SEC23IP: variants seen among roughly 807,000 people sequenced by gnomAD.
The protein encoded by SEC23IP is SEC23-interacting protein.
In SEC23IP, 70 loss-of-function variants were observed where a neutral mutation model predicts 113.4. The observed-to-expected ratio is 0.62, with a 90% CI of 0.51 to 0.75. SEC23IP has a LOEUF of 0.75. Ranked by LOEUF, SEC23IP falls within the 30% of genes least tolerant of loss-of-function variation. SEC23IP has a pLI of 0.00. For synonymous variants in SEC23IP, 398 were observed against 421.0 expected (o/e 0.95, Z 0.67); for missense variants, 1,160 against 1,204.9 (o/e 0.96, Z 0.55).
chr10:119,929,054 G>A (rs1038127745), intron 13 of SEC23IP, among the ~76,000 whole-genome samples: 10 of 152,194 alleles, frequency 6.6e-5, no homozygotes, highest in Non-Finnish European at 1.3e-4. Flanking sequence ...GTCACACAGT[G>A]AATGAAACCA....
At position 119,942,919 on chromosome 10, in the gene SEC23IP, T is replaced by C. The variant is rs901892610; in HGVS notation, c.*2354T>C. ...TAAGTATGTTATTGGAAAGGTGTGA[T>C]CTATATAGAACCCTGTACATGAAAA... is the stretch of plus-strand genomic sequence containing the variant. On this transcript the variant is annotated 3_prime_UTR_variant, in exon 19 of 19. Transcript: ENST00000369075. 6.6e-6 allele frequency: 1 copy of C among 152,188 alleles called. No homozygotes were observed. The highest frequency in any genetic ancestry group is 6.5e-5 in the Admixed American group (1 of 15,286). The allele number at this position is 152,188 out of a possible 1,614,324, so 9.4% of individuals were successfully genotyped here.
intron 14 of SEC23IP, among the ~76,000 whole-genome samples, 180 bp from the exon 15 acceptor site, chr10:119,930,149 A>G (rs2134523512): frequency 6.6e-6 from 1 of 152,334 alleles, no homozygotes; most frequent in East Asian, 1.9e-4. Context: ...TTTGCTTGCA[A>G]AGTAATCTTA....
Position 119,933,100 on chromosome 10 carries a change from C to G in SEC23IP, c.2854C>G (p.Leu952Val). 3 of 1,613,940 alleles carry G rather than the reference C, an allele frequency of 1.9e-6. No homozygotes were observed. Among genetic ancestry groups the G allele is most frequent in the Non-Finnish European group, 2.5e-6 (3 of 1,179,804 alleles). The change falls in exon 17 of 19, where the codon CTC becomes GTC. Residue 952 changes from leucine (L) to valine (V), a missense_variant. By Grantham distance (32) the Leu-to-Val change is conservative (BLOSUM62 1). Transcript: ENST00000369075. ...TGGAGGCCGCCGAATTGACTACGTT[C>G]TCCAAGAAAAACCAATAGAGAGTTT... ...LNGGRRIDYV[L>V]QEKPIESFNE...
At chr10:119,901,046 G>GC (rs901461294) in intron 2 of SEC23IP, among the ~76,000 whole-genome samples, 10 of 118,912 alleles carry the variant, frequency 8.4e-5, no homozygotes, top group African/African-American at 1.7e-4. Flanking sequence ...TTAAAGAGTG[G>GC]GGGGGGGGTC....
chr10:119,935,681 C>G (rs747261714), intron 18 of SEC23IP, among the ~76,000 whole-genome samples: 3 of 152,140 alleles, frequency 2.0e-5, no homozygotes, highest in Non-Finnish European at 2.9e-5. Context: ...CCTCAAGGAC[C>G]TTTTTTCCTC....
intron 12 of SEC23IP, among the ~76,000 whole-genome samples, chr10:119,925,411 T>G (rs1855387521): frequency 6.6e-6 from 1 of 152,246 alleles, no homozygotes; most frequent in Admixed American, 6.5e-5. Context: ...TTCTGCTTAG[T>G]TGTAACTGTC....
At chr10:119,936,612 T>A (rs1357794016) in intron 18 of SEC23IP, among the ~76,000 whole-genome samples, 1 of 151,022 alleles carries the variant, frequency 6.6e-6, no homozygotes, top group Non-Finnish European at 1.5e-5. Flanking sequence ...GAAAAGTTGC[T>A]CAATTTTCAT....
Position 119,917,851 on chromosome 10 carries a change from C to T in SEC23IP, c.1560C>T (p.Ile520=). The change falls in exon 9 of 19, where the codon ATC becomes ATT. Residue 520 remains isoleucine, a synonymous_variant. Transcript: ENST00000369075. ...TTTTAAACAGGAATATTAAGAAAAT[C>T]ACTTTGCCAAGTATTGGTCGATTTC... ...ATGVDRNIKK[I]TLPSIGRFRH... 6.2e-7 allele frequency: 1 copy of T among 1,613,298 alleles called. No homozygotes were observed. Among genetic ancestry groups the T allele is most frequent in the Non-Finnish European group, 8.5e-7 (1 of 1,179,504 alleles).
chr10:119,930,621 G>A (rs951394238), intron 15 of SEC23IP, among the ~76,000 whole-genome samples, 190 bp downstream of exon 15: 2 of 152,156 alleles, frequency 1.3e-5, no homozygotes, highest in African/African-American at 4.8e-5. Context: ...CTCTTTGATG[G>A]CATTCTAATT....
chr10:119,910,977 G>A (rs1296078116), intron 5 of SEC23IP, among the ~76,000 whole-genome samples: 1 of 150,364 alleles, frequency 6.7e-6, no homozygotes. Flanking sequence ...GAGCCAACAC[G>A]CTTGGCTAAC....
rs755363847 is a variant in SEC23IP at position 119,915,790 on chromosome 10, A to G, written c.1445A>G (p.His482Arg). ...GTTTCTCTCAAATTGCTGCGGACAC[A>G]TTTCAAGAAATCTTTAGATGACGGG... ...RVVSLKLLRT[H>R]FKKSLDDGKV... is the part of the protein sequence containing the mutation. Residue 482 changes from histidine to arginine, a missense_variant, in exon 8 of 19, where the codon CAT (histidine) becomes CGT (arginine). Transcript: ENST00000369075. 2 of 1,602,324 alleles carry G rather than the reference A, an allele frequency of 1.2e-6. No homozygotes were observed. Among genetic ancestry groups the G allele is most frequent in the Non-Finnish European group, 1.7e-6 (2 of 1,173,962 alleles).
chr10:119,914,839 T>C lies in SEC23IP; in HGVS notation c.1402+20T>C, dbSNP rs756749333. 6.2e-7 allele frequency: 1 copy of C among 1,600,120 alleles called. No homozygotes were observed. Among genetic ancestry groups the C allele is most frequent in the Admixed American group, 1.7e-5 (1 of 59,908 alleles). ...AGTGTGGTAAGTGTTGGGTATATTG[T>C]ATTTCATGGGATGATCTGAGAACTA... On this transcript the variant is annotated intron_variant, in intron 7 of 18. Transcript: ENST00000369075.
intron 12 of SEC23IP, among the ~76,000 whole-genome samples, chr10:119,924,746 TTTTG>T (rs1024412680): frequency 6.6e-6 from 1 of 151,924 alleles, no homozygotes; most frequent in African/African-American, 2.4e-5. Flanking sequence ...GCCCCAAAAC[TTTTG>T]TTTATTTATG....
intron 11 of SEC23IP, among the ~76,000 whole-genome samples, chr10:119,919,810 T>G (rs148322267): frequency 2.6e-4 from 40 of 152,258 alleles, no homozygotes; most frequent in African/African-American, 9.4e-4. Flanking sequence ...AGAAAAAAAT[T>G]GTATAACAGT....
rs1258483628 is a variant in SEC23IP, at chr10:119,929,758, A to G, written c.2465A>G (p.His822Arg). The G allele has an allele frequency of 6.4e-7, 1 of 1,573,504 alleles. No individual in the cohort carries two copies. Among genetic ancestry groups the G allele is most frequent in the Non-Finnish European group, 8.7e-7 (1 of 1,154,804 alleles). The change falls in exon 14 of 19, where the codon CAT (histidine) becomes CGT (arginine). Residue 822 changes from histidine (H) to arginine (R), a missense_variant. Physicochemically the swap from His to Arg is conservative, Grantham distance 29. Coordinates refer to ENST00000369075, the MANE Select transcript of SEC23IP (RefSeq NM_007190.4). ...PTCKGFFNIY[H>R]PLDPVAYRLE... is the part of the protein sequence containing the mutation. Reference sequence around the variant, plus strand: ...TGTAAAGGGTTCTTCAATATTTATCATCCGGTGAGTAATTGAATTTACTTT... The same window carrying G: ...TGTAAAGGGTTCTTCAATATTTATCGTCCGGTGAGTAATTGAATTTACTTT...
At chr10:119,934,217 T>C (rs749825664) in intron 18 of SEC23IP, among the ~76,000 whole-genome samples, 5 of 152,346 alleles carry the variant, frequency 3.3e-5, no homozygotes, top group Non-Finnish European at 4.4e-5. Flanking sequence ...TGCTGCCTCA[T>C]AGTTATAAGG....
Position 119,898,490 on chromosome 10 carries a change from C to T in SEC23IP, c.227C>T (p.Ala76Val), listed in dbSNP as rs372484711. The T allele has an allele frequency of 2.5e-6, 4 of 1,613,954 alleles. No homozygotes were observed. Among genetic ancestry groups the T allele is most frequent in the African/African-American group, 2.7e-5 (2 of 74,920 alleles). ...FLGQTSIHTS[A>V]PQTFSYFSQV... is the part of the protein sequence containing the mutation. The stretch of plus-strand genomic sequence containing the variant: ...GGTCAGACTTCTATTCACACATCTG[C>T]CCCACAGACATTTAGTTACTTCTCT... Residue 76 changes from alanine to valine, a missense_variant, in exon 2 of 19, where the codon GCC becomes GTC. Ala to Val is a moderately conservative substitution (Grantham distance 64). Transcript: ENST00000369075.
At chr10:119,903,090 T>A in intron 3 of SEC23IP, 81 bp downstream of exon 3, 1 of 1,179,910 alleles carries the variant, frequency 8.5e-7, no homozygotes, top group Non-Finnish European at 1.2e-6. Context: ...CTATTTTCTG[T>A]GAATGTCAAA....
intron 13 of SEC23IP, among the ~76,000 whole-genome samples, chr10:119,927,029 A>G (rs992141451): frequency 1.3e-5 from 2 of 152,140 alleles, no homozygotes; most frequent in Non-Finnish European, 2.9e-5. Flanking sequence ...CCTCCCAGGT[A>G]GCTGGGAGTG....
Sources: gnomAD v4.1 joint callset for allele counts (sites outside exome capture counted in the v4.1 genomes callset) on GRCh38, gnomAD v4.1.1 for gene constraint, MANE v1.5 for transcripts, NCBI Gene and HGNC (gene_info 2026-07-23, HGNC 2026-07-21) for gene names.